CD36: variants seen among roughly 807,000 people sequenced by gnomAD.
CD36 encodes the protein platelet glycoprotein 4.
Under a neutral mutation model 55.2 loss-of-function variants are expected in CD36, and 119 were observed. The observed-to-expected ratio is 2.15, with a 90% CI of 1.86 to 2.51. The LOEUF (loss-of-function observed/expected upper bound fraction) is 2.51, where lower values mean the gene tolerates loss of function less well. Ranked by LOEUF, CD36 falls within the 30% of genes most tolerant of loss-of-function variation. The pLI is 0.00. For missense variants in CD36, 819 were observed against 555.5 expected, an observed-to-expected ratio of 1.47 and a Z score of -4.77; for synonymous variants, 186 against 193.6, an observed-to-expected ratio of 0.96 and a Z score of 0.33.
At chr7:80,631,576 G>A (rs1395661594) in intron 1 of CD36, among the ~76,000 whole-genome samples, 1 of 150,752 alleles carries the variant, frequency 6.6e-6, no homozygotes, top group African/African-American at 2.4e-5. Flanking sequence ...TTTATTTCAA[G>A]AAGATAACCA....
chr7:80,674,141 AAAATAAG>A lies in CD36; in HGVS notation c.1414_*1del, dbSNP rs1798029992. ...ATTGTGCATGCAGATCGAAAACAAT[AAAATAAG>A]TAAGTATGTACCAAAAAATATTGCT... is the stretch of plus-strand genomic sequence containing the variant. On this transcript the variant is annotated splice_donor_variant and coding_sequence_variant and 3_prime_UTR_variant, in exon 14 of 15. Coordinates refer to ENST00000447544, the MANE Select transcript of CD36 (RefSeq NM_001001548.3). LOFTEE classifies it high-confidence loss of function. 6.2e-7 allele frequency: 1 copy of A among 1,608,384 alleles called. No homozygotes were observed. The highest frequency in any genetic ancestry group is 8.5e-7 in the Non-Finnish European group (1 of 1,176,024).
chr7:80,606,172 C>T (rs1374782036), intron 1 of CD36, among the ~76,000 whole-genome samples: 10 of 152,058 alleles, frequency 6.6e-5, no homozygotes, highest in East Asian at 1.9e-4. Flanking sequence ...TTTTGAATCA[C>T]GTAAATAACT....
chr7:80,660,072 A>T (rs1350810386), intron 4 of CD36, among the ~76,000 whole-genome samples: 1 of 152,136 alleles, frequency 6.6e-6, no homozygotes, highest in Non-Finnish European at 1.5e-5. Flanking sequence ...TTTTTAAAAA[A>T]TTCAGTCCAA....
chr7:80,604,390 T>TTTTTTTTTTTTTAGC, intron 1 of CD36, among the ~76,000 whole-genome samples: 1 of 109,642 alleles, frequency 9.1e-6, no homozygotes, highest in Admixed American at 1.2e-4. Flanking sequence ...TTTTTTTTTT[T>TTTTTTTTTTTTTAGC]AGCAAAGTAT....
At chr7:80,641,227 ACC>A (rs1794788929) in intron 1 of CD36, among the ~76,000 whole-genome samples, 1 of 152,124 alleles carries the variant, frequency 6.6e-6, no homozygotes, top group Non-Finnish European at 1.5e-5. Flanking sequence ...TGACCTAATG[ACC>A]TTATGTTGAT....
intron 1 of CD36, among the ~76,000 whole-genome samples, chr7:80,627,477 C>G (rs1246567843): frequency 2.7e-5 from 4 of 149,922 alleles, no homozygotes; most frequent in African/African-American, 9.8e-5. Flanking sequence ...TTTTTTTTCA[C>G]TTAGACTACA....
rs762064632 is a variant in CD36 at position 80,661,154 on chromosome 7, T to C, written c.373T>C (p.Ser125Pro). The change falls in exon 5 of 15, where the codon TCA becomes CCA. Residue 125 changes from serine to proline, a missense_variant. Physicochemically the swap from Ser to Pro is moderately conservative, Grantham distance 74. Transcript: ENST00000447544. ...GCCCAATGGTGCCATCTTCGAACCTTCACTATCAGTTGGAACAGAGGCTGA... is the reference window on the plus strand; with the variant it reads ...GCCCAATGGTGCCATCTTCGAACCTCCACTATCAGTTGGAACAGAGGCTGA... The part of the protein sequence containing the change: ...LQPNGAIFEP[S>P]LSVGTEADNF... 1 of 1,613,990 alleles carries C rather than the reference T, an allele frequency of 6.2e-7. No homozygotes were observed. Among genetic ancestry groups the C allele is most frequent in the East Asian group, 2.2e-5 (1 of 44,838 alleles).
chr7:80,664,018 CTTA>C (rs995164089), intron 6 of CD36, among the ~76,000 whole-genome samples: 2 of 151,954 alleles, frequency 1.3e-5, no homozygotes, highest in African/African-American at 2.4e-5. Flanking sequence ...TTAGTAACCA[CTTA>C]TTATCATTTT....
chr7:80,629,256 G>T (rs1021927968), intron 1 of CD36, among the ~76,000 whole-genome samples: 8 of 152,056 alleles, frequency 5.3e-5, no homozygotes, highest in African/African-American at 1.7e-4. Flanking sequence ...TTTCCTTGAG[G>T]TTGTAAGAGG....
intron 1 of CD36, among the ~76,000 whole-genome samples, chr7:80,619,215 G>A (rs1328321106): frequency 6.6e-6 from 1 of 152,192 alleles, no homozygotes; most frequent in Non-Finnish European, 1.5e-5. Flanking sequence ...TAAGCCCACT[G>A]TTGAGACCTG....
chr7:80,616,234 CACTT>C (rs1793144743), intron 1 of CD36, among the ~76,000 whole-genome samples: 1 of 152,106 alleles, frequency 6.6e-6, no homozygotes. Flanking sequence ...GTGCTCAGAA[CACTT>C]ACATTAGCCC....
chr7:80,610,403 T>C (rs867168967), intron 1 of CD36, among the ~76,000 whole-genome samples: 2 of 152,162 alleles, frequency 1.3e-5, no homozygotes, highest in African/African-American at 4.8e-5. Context: ...AGCTTCCTAA[T>C]ATTATGGTAT....
intron 1 of CD36, among the ~76,000 whole-genome samples, chr7:80,618,327 C>G (rs1793276328): frequency 6.6e-6 from 1 of 152,120 alleles, no homozygotes; most frequent in Non-Finnish European, 1.5e-5. Flanking sequence ...CCTGGAGCCA[C>G]CGTAGTCCCT....
chr7:80,620,435 T>C (rs984308269), intron 1 of CD36, among the ~76,000 whole-genome samples: 1 of 152,146 alleles, frequency 6.6e-6, no homozygotes, highest in Admixed American at 6.5e-5. Context: ...CTTATTTATG[T>C]TTACCAGTTT....
intron 14 of CD36, chr7:80,674,428 G>A: frequency 5.4e-6 from 2 of 368,446 alleles, no homozygotes; most frequent in Non-Finnish European, 1.0e-5. Context: ...AAATTGACTG[G>A]TTCATTTCTC....
At chr7:80,619,789 A>C (rs943783898) in intron 1 of CD36, among the ~76,000 whole-genome samples, 1 of 152,218 alleles carries the variant, frequency 6.6e-6, no homozygotes, top group Non-Finnish European at 1.5e-5. Flanking sequence ...TTCATAGGAA[A>C]GGTTGAAATA....
intron 14 of CD36, 67 bp downstream of exon 14, chr7:80,674,214 C>A: frequency 8.6e-7 from 1 of 1,162,592 alleles, no homozygotes; most frequent in East Asian, 2.5e-5. Flanking sequence ...TTCACTTTAT[C>A]AAAGAGAAGT....
chr7:80,672,727 A>G, intron 11 of CD36, 43 bp from the exon 12 acceptor site: 1 of 1,328,118 alleles, frequency 7.5e-7, no homozygotes. Context: ...GTATAAAATA[A>G]TGTTTTTAAA....
chr7:80,607,625 T>G (rs1361157043), intron 1 of CD36, among the ~76,000 whole-genome samples: 3 of 152,202 alleles, frequency 2.0e-5, no homozygotes, highest in Non-Finnish European at 4.4e-5. Flanking sequence ...TTATCAATTT[T>G]CATGACTTCA....
Sources: allele counts gnomAD v4.1 joint callset (sites outside exome capture counted in the v4.1 genomes callset), GRCh38; gene constraint gnomAD v4.1.1; transcripts MANE v1.5; gene names NCBI Gene and HGNC (gene_info 2026-07-23, HGNC 2026-07-21).